IRAG2: variants seen among roughly 807,000 people sequenced by gnomAD.
IRAG2 encodes inositol 1,4,5-triphosphate receptor associated 2, also known as lymphoid restricted membrane protein.
A neutral mutation model predicts 69.9 loss-of-function variants in IRAG2; 45 were observed. That is an observed-to-expected ratio of 0.64 (90% confidence interval 0.51 to 0.83). The LOEUF (loss-of-function observed/expected upper bound fraction) is 0.83. Among genes scored for constraint, IRAG2 ranks in the 40% least tolerant of loss-of-function variants. The pLI is 0.00. For synonymous variants in IRAG2, 193 were observed against 202.4 expected, an observed-to-expected ratio of 0.95 and a Z score of 0.40; for missense variants, 520 against 587.0, an observed-to-expected ratio of 0.89 and a Z score of 1.18.
chr12:25,072,927 T>C (rs1946427385), intron 6 of IRAG2, among the ~76,000 whole-genome samples: 1 of 152,268 alleles, frequency 6.6e-6, no homozygotes, highest in African/African-American at 2.4e-5. Context: ...AAAATTCTAT[T>C]AGACTGTCAA....
intron 6 of IRAG2, among the ~76,000 whole-genome samples, chr12:25,078,238 CAT>C (rs2140097237): frequency 6.6e-6 from 1 of 152,162 alleles, no homozygotes; most frequent in Non-Finnish European, 1.5e-5. Context: ...ATGTACTAAA[CAT>C]ATATAAGCTA....
At chr12:25,039,705 C>G (rs1944732110) in intron 16 of IRAG2, among the ~76,000 whole-genome samples, 1 of 152,230 alleles carries the variant, frequency 6.6e-6, no homozygotes, top group Non-Finnish European at 1.5e-5. Flanking sequence ...GCTGGGATTA[C>G]AGGCGTGAGC....
intron 3 of IRAG2, among the ~76,000 whole-genome samples, chr12:25,012,537 G>GA (rs1944485281): frequency 6.6e-6 from 1 of 151,938 alleles, no homozygotes; most frequent in Non-Finnish European, 1.5e-5. Context: ...TTTGCTTAAA[G>GA]AAAATGTTGA....
Position 25,085,146 on chromosome 12 carries a change from C to A in IRAG2, c.315+1653C>A, listed in dbSNP as rs1947484519. Among the ~76,000 whole-genome samples the A allele has an allele frequency of 2.0e-5, 3 of 152,256 alleles. 1 individual carries two copies. In the South Asian group the frequency reaches 6.2e-4, roughly 31 times the overall value. On this transcript the variant is annotated intron_variant, in intron 10 of 21. Transcript: ENST00000556887. ...TGCAGACAGCTTGTGTGTTAATTAG[C>A]TCAATGGACCCTCAGCCTTATCACA...
chr12:25,087,964 G>A, intron 10 of IRAG2, 136 bp from the exon 11 acceptor site: 1 of 638,004 alleles, frequency 1.6e-6, no homozygotes, highest in South Asian at 2.0e-5. Context: ...ACTGGTCCCT[G>A]GTACCAAAAA....
At chr12:25,016,309 T>C (rs192212606) in intron 5 of IRAG2, among the ~76,000 whole-genome samples, 6 of 152,162 alleles carry the variant, frequency 3.9e-5, no homozygotes, top group Non-Finnish European at 7.3e-5. Context: ...GTCCAGAATC[T>C]TAAAGGATTT....
At chr12:25,107,155 T>C in intron 21 of IRAG2, 105 bp downstream of exon 21, 1 of 503,440 alleles carries the variant, frequency 2.0e-6, no homozygotes, top group Non-Finnish European at 3.5e-6. Flanking sequence ...ACATGCCAAA[T>C]TGTTGTATTT....
intron 15 of IRAG2, among the ~76,000 whole-genome samples, chr12:25,100,504 G>C (rs960411642): frequency 1.5e-4 from 23 of 152,152 alleles, no homozygotes; most frequent in African/African-American, 5.6e-4. Flanking sequence ...ATTAGTTATA[G>C]GACTTTTATC....
intron 6 of IRAG2, among the ~76,000 whole-genome samples, chr12:25,075,416 A>C (rs1445482329): frequency 6.6e-6 from 1 of 152,168 alleles, no homozygotes; most frequent in African/African-American, 2.4e-5. Context: ...AAGAGCAAAA[A>C]TAAAATAATC....
intron 4 of IRAG2, among the ~76,000 whole-genome samples, chr12:25,066,015 G>A (rs1010348382): frequency 1.3e-5 from 2 of 152,096 alleles, no homozygotes; most frequent in African/African-American, 4.8e-5. Flanking sequence ...ATTTTCACCC[G>A]CTGGCTGTAG....
chr12:25,069,364 C>T lies in IRAG2; in HGVS notation c.-44C>T, dbSNP rs1353347125. 1 of 1,593,590 alleles carries T rather than the reference C, an allele frequency of 6.3e-7. No individual in the cohort carries two copies. Among genetic ancestry groups the T allele is most frequent in the Non-Finnish European group, 8.6e-7 (1 of 1,163,224 alleles). ...CCTACTGCCAGGTGCCCAGGCCCCA[C>T]AAGTGGCCCCAGCCCAGGAACGAAT... On this transcript the variant is annotated 5_prime_UTR_variant, in exon 6 of 22. Coordinates refer to ENST00000556887, the MANE Select transcript of IRAG2 (RefSeq NM_001366544.2).
At chr12:25,039,919 C>T (rs2139858940) in intron 16 of IRAG2, among the ~76,000 whole-genome samples, 1 of 152,248 alleles carries the variant, frequency 6.6e-6, no homozygotes, top group East Asian at 1.9e-4. Context: ...TATTTATATC[C>T]AGAGAGGTTG....
At chr12:25,072,129 C>T (rs1387771515) in intron 6 of IRAG2, among the ~76,000 whole-genome samples, 2 of 151,578 alleles carry the variant, frequency 1.3e-5, no homozygotes, top group Non-Finnish European at 2.9e-5. Flanking sequence ...CACTTGAATC[C>T]GGAAGGAGGA....
intron 3 of IRAG2, among the ~76,000 whole-genome samples, chr12:25,012,321 A>T (rs2139822162): frequency 6.6e-6 from 1 of 151,454 alleles, no homozygotes; most frequent in East Asian, 2.0e-4. Context: ...TGCCCGGCTA[A>T]TGCTTGTATT....
intron 15 of IRAG2, 36 bp from the exon 16 acceptor site, chr12:25,101,142 T>C: frequency 1.9e-6 from 3 of 1,566,630 alleles, no homozygotes; most frequent in Admixed American, 1.8e-5. Flanking sequence ...AGAGTAGTAT[T>C]TTCAATGTAA....
intron 1 of IRAG2, among the ~76,000 whole-genome samples, chr12:25,059,644 G>T (rs766495619): frequency 2.0e-5 from 3 of 152,076 alleles, no homozygotes; most frequent in Non-Finnish European, 4.4e-5. Flanking sequence ...ATGAGCCACC[G>T]CACCCAGCCT....
intron 1 of IRAG2, among the ~76,000 whole-genome samples, chr12:25,059,829 C>CT (rs1468788670): frequency 5.9e-5 from 9 of 152,052 alleles, no homozygotes. Flanking sequence ...AGGTAATTTT[C>CT]TACATAATTG....
chr12:25,095,717 T>G (rs1228345364), intron 14 of IRAG2, among the ~76,000 whole-genome samples: 2 of 152,236 alleles, frequency 1.3e-5, no homozygotes, highest in Non-Finnish European at 2.9e-5. Flanking sequence ...AGATTGGCAT[T>G]AATTCTTTAA....
intron 3 of IRAG2, among the ~76,000 whole-genome samples, chr12:25,013,269 G>T (rs1435645525): frequency 1.3e-5 from 2 of 152,192 alleles, no homozygotes; most frequent in African/African-American, 4.8e-5. Context: ...CTGAGGCCAG[G>T]AGTTTGAGAC....
Sources: allele counts gnomAD v4.1 joint callset (sites outside exome capture counted in the v4.1 genomes callset), GRCh38; gene constraint gnomAD v4.1.1; transcripts MANE v1.5; gene names NCBI Gene and HGNC (gene_info 2026-07-23, HGNC 2026-07-21).